Variants in CNTN4 observed in about 807,000 individuals in gnomAD.
CNTN4 encodes contactin-4.
CNTN4 carries 77 observed loss-of-function variants against 122.5 expected under a neutral mutation model. The ratio of observed to expected loss-of-function variants is 0.63; its 90% CI spans 0.52 to 0.76. CNTN4 has a LOEUF of 0.76. Ranked by LOEUF, CNTN4 falls within the 30% of genes least tolerant of loss-of-function variation. The pLI is 0.00. For missense variants in CNTN4, 1,256 were observed against 1,259.1 expected, an observed-to-expected ratio of 1.00 and a Z score of 0.04; for synonymous variants, 512 against 447.0, an observed-to-expected ratio of 1.15 and a Z score of -1.83.
At chr3:2,700,892 CT>C (rs1214395702) in intron 4 of CNTN4, among the ~76,000 whole-genome samples, 3 of 152,250 alleles carry the variant, frequency 2.0e-5, no homozygotes, top group Admixed American at 6.5e-5. Context: ...CATGTTTTGT[CT>C]GGTTTTTGGT....
intron 2 of CNTN4, among the ~76,000 whole-genome samples, chr3:2,324,511 G>A (rs1010269487): frequency 1.3e-5 from 2 of 152,020 alleles, no homozygotes; most frequent in Non-Finnish European, 2.9e-5. Flanking sequence ...TTTGGGTATT[G>A]TCAGGACTCT....
intron 3 of CNTN4, among the ~76,000 whole-genome samples, chr3:2,431,610 G>A (rs2048073357): frequency 6.6e-6 from 1 of 152,104 alleles, no homozygotes. Flanking sequence ...AACTCAGAGG[G>A]ACTGAACACG....
intron 13 of CNTN4, among the ~76,000 whole-genome samples, chr3:2,968,148 C>T (rs1252719071): frequency 6.6e-6 from 1 of 152,172 alleles, no homozygotes; most frequent in African/African-American, 2.4e-5. Context: ...AGCAGCTGAA[C>T]TGAGCACAGA....
At chr3:2,102,204 A>G (rs921274776) in intron 2 of CNTN4, among the ~76,000 whole-genome samples, 2 of 152,218 alleles carry the variant, frequency 1.3e-5, no homozygotes, top group Non-Finnish European at 2.9e-5. Context: ...GATTGGAAGG[A>G]CACTTTCCAC....
At chr3:2,665,369 C>A (rs1264110494) in intron 4 of CNTN4, among the ~76,000 whole-genome samples, 1 of 152,114 alleles carries the variant, frequency 6.6e-6, no homozygotes, top group Non-Finnish European at 1.5e-5. Context: ...GCATTTTGAA[C>A]ATTTAAATTC....
intron 4 of CNTN4, among the ~76,000 whole-genome samples, chr3:2,573,980 G>A (rs762773790): frequency 2.0e-4 from 30 of 152,172 alleles, no homozygotes; most frequent in Non-Finnish European, 4.1e-4. Context: ...AGTTTGGGAG[G>A]CCGAGGTGGG....
intron 4 of CNTN4, among the ~76,000 whole-genome samples, chr3:2,668,735 T>C (rs1262500105): frequency 3.3e-5 from 5 of 152,326 alleles, no homozygotes; most frequent in Non-Finnish European, 5.9e-5. Context: ...GGGTTTGTCA[T>C]AGATAGTTCT....
chr3:2,429,019 C>T (rs183083155), intron 3 of CNTN4, among the ~76,000 whole-genome samples: 2 of 152,268 alleles, frequency 1.3e-5, no homozygotes, highest in East Asian at 3.9e-4. Context: ...TGGGTTCGGA[C>T]ATCCTTCTTT....
chr3:2,920,505 G>A (rs1559667877), intron 12 of CNTN4, among the ~76,000 whole-genome samples: 1 of 151,858 alleles, frequency 6.6e-6, no homozygotes, highest in Admixed American at 6.6e-5. Context: ...GAGACGGGGT[G>A]AAGGATGCAC....
At chr3:2,771,985 G>A (rs1490546869) in intron 6 of CNTN4, among the ~76,000 whole-genome samples, 2 of 152,088 alleles carry the variant, frequency 1.3e-5, no homozygotes, top group Admixed American at 1.3e-4. Context: ...GATATGCACG[G>A]GACATGGAAA....
chr3:2,191,591 T>C (rs1334372413), intron 2 of CNTN4, among the ~76,000 whole-genome samples: 8 of 152,028 alleles, frequency 5.3e-5, no homozygotes, highest in Admixed American at 5.2e-4. Flanking sequence ...CTTTTTTTTA[T>C]TAGCTAGTCA....
intron 23 of CNTN4, among the ~76,000 whole-genome samples, chr3:3,052,785 G>T (rs163568): frequency 0.47 from 71,665 of 152,008 alleles, 17,910 homozygotes; most frequent in African/African-American, 0.63. Context: ...GTTGCCTCTT[G>T]GCTACCTAGC....
At chr3:2,295,227 G>T (rs2042266826) in intron 2 of CNTN4, among the ~76,000 whole-genome samples, 1 of 140,332 alleles carries the variant, frequency 7.1e-6, no homozygotes, top group South Asian at 2.2e-4. Flanking sequence ...GGTATTTCTA[G>T]TTCTAGATCC....
chr3:2,125,761 T>G (rs577590777), intron 2 of CNTN4, among the ~76,000 whole-genome samples: 18 of 151,962 alleles, frequency 1.2e-4, no homozygotes, highest in African/African-American at 4.1e-4. Context: ...TTTTACCGTG[T>G]TAAGCAGGAT....
intron 9 of CNTN4, 80 bp from the exon 10 acceptor site, chr3:2,886,960 C>T: frequency 8.0e-7 from 1 of 1,254,602 alleles, no homozygotes; most frequent in Non-Finnish European, 1.1e-6. Context: ...ATGTGTAGAA[C>T]CAAGAAGGAA....
chr3:2,371,587 A>G (rs1355274100), intron 3 of CNTN4, among the ~76,000 whole-genome samples: 1 of 152,170 alleles, frequency 6.6e-6, no homozygotes, highest in Non-Finnish European at 1.5e-5. Flanking sequence ...TCTCAGTATA[A>G]CATTTGTTGA....
chr3:2,515,663 G>T (rs2077019182), intron 3 of CNTN4, among the ~76,000 whole-genome samples: 1 of 151,972 alleles, frequency 6.6e-6, no homozygotes, highest in African/African-American at 2.4e-5. Flanking sequence ...CCTCTTAGTT[G>T]AAAACAGCAG....
At chr3:2,313,828 A>C (rs532108265) in intron 2 of CNTN4, among the ~76,000 whole-genome samples, 112 of 151,976 alleles carry the variant, frequency 7.4e-4, no homozygotes, top group African/African-American at 2.6e-3. Flanking sequence ...AATACCCCCC[A>C]AAATAAAGGA....
chr3:2,746,730 A>G (rs1402014499), intron 6 of CNTN4, among the ~76,000 whole-genome samples: 1 of 152,234 alleles, frequency 6.6e-6, no homozygotes, highest in Non-Finnish European at 1.5e-5. Context: ...ATTTGGTGGC[A>G]TTTTTATAAG....
Sources: allele counts gnomAD v4.1 joint callset (sites outside exome capture counted in the v4.1 genomes callset), GRCh38; gene constraint gnomAD v4.1.1; transcripts MANE v1.5; gene names NCBI Gene and HGNC (gene_info 2026-07-23, HGNC 2026-07-21).